DNM3: variants seen among roughly 807,000 people sequenced by gnomAD.
DNM3 encodes dynamin-3.
In DNM3, 47 loss-of-function variants were observed where a neutral mutation model predicts 101.6. That is an observed-to-expected ratio of 0.46 (90% confidence interval 0.37 to 0.59). DNM3 has a LOEUF of 0.59. Ranked by LOEUF, DNM3 falls within the 20% of genes least tolerant of loss-of-function variation. DNM3 has a pLI of 0.00. For synonymous variants in DNM3, 385 were observed against 387.9 expected, an observed-to-expected ratio of 0.99 and a Z score of 0.09; for missense variants, 849 against 1,085.7, an observed-to-expected ratio of 0.78 and a Z score of 3.06.
chr1:171,884,399 C>CCATATAA (rs1355582596), intron 1 of DNM3, among the ~76,000 whole-genome samples: 3 of 152,136 alleles, frequency 2.0e-5, no homozygotes, highest in Non-Finnish European at 4.4e-5. Context: ...TTTGAGTTAC[C>CCATATAA]CATATATGTT....
intron 14 of DNM3, among the ~76,000 whole-genome samples, chr1:172,192,743 G>A (rs371788597): frequency 1.5e-4 from 22 of 151,684 alleles, no homozygotes; most frequent in African/African-American, 4.6e-4. Flanking sequence ...TCCATGGTGT[G>A]TATGTGCCAC....
chr1:171,893,240 C>T (rs2037455839), intron 1 of DNM3, among the ~76,000 whole-genome samples: 1 of 152,096 alleles, frequency 6.6e-6, no homozygotes, highest in Non-Finnish European at 1.5e-5. Flanking sequence ...ATTGCATGGA[C>T]TAAGGTTTAC....
intron 7 of DNM3, among the ~76,000 whole-genome samples, chr1:172,040,378 T>C (rs772059808): frequency 1.3e-5 from 2 of 152,184 alleles, no homozygotes; most frequent in Non-Finnish European, 2.9e-5. Flanking sequence ...AAGTTTTAGA[T>C]AGTTTGAATT....
At position 172,018,730 on chromosome 1, in the gene DNM3, A is replaced by G. The variant is rs569391499; in HGVS notation, c.590-13672A>G. Among the ~76,000 whole-genome samples the G allele has an allele frequency of 7.9e-5, 12 of 152,288 alleles. 1 individual carries two copies. In the East Asian group the frequency reaches 1.3e-3, roughly 17 times the overall value. ...AATAGGAATAAAATACATTGTTGCTATTATTTTGAACAAACTGTTATCTGT... is the reference window on the plus strand; with the variant it reads ...AATAGGAATAAAATACATTGTTGCTGTTATTTTGAACAAACTGTTATCTGT... On this transcript the variant is annotated intron_variant, in intron 4 of 20. Transcript: ENST00000627582.
chr1:172,319,304 T>A (rs1157842022), intron 16 of DNM3, among the ~76,000 whole-genome samples: 6 of 150,756 alleles, frequency 4.0e-5, no homozygotes, highest in African/African-American at 1.2e-4. Context: ...AACCTAGGCA[T>A]TACCATTCAG....
At chr1:172,414,858 C>A (rs1019904411), downstream of DNM3, among the ~76,000 whole-genome samples, 16 of 149,040 alleles carry the variant, frequency 1.1e-4, no homozygotes, top group African/African-American at 4.0e-4. Context: ...CAGTTCAGCC[C>A]AAGAGTTTGA....
chr1:172,335,185 C>A (rs893634740), intron 17 of DNM3, among the ~76,000 whole-genome samples: 1 of 152,084 alleles, frequency 6.6e-6, no homozygotes, highest in Non-Finnish European at 1.5e-5. Context: ...TTTTTAAAGT[C>A]ACTTTTATAC....
At chr1:171,985,804 C>T (rs1247159927) in intron 2 of DNM3, among the ~76,000 whole-genome samples, 1 of 152,098 alleles carries the variant, frequency 6.6e-6, no homozygotes, top group Non-Finnish European at 1.5e-5. Context: ...GCCAGAGTGG[C>T]TGGGGTTGGT....
intron 14 of DNM3, among the ~76,000 whole-genome samples, chr1:172,240,738 T>A (rs954646189): frequency 6.6e-6 from 1 of 152,218 alleles, no homozygotes; most frequent in African/African-American, 2.4e-5. Context: ...GAAAGACATT[T>A]GTCTTTGCAT....
At chr1:172,240,221 G>A (rs1281713560) in intron 14 of DNM3, among the ~76,000 whole-genome samples, 1 of 152,166 alleles carries the variant, frequency 6.6e-6, no homozygotes, top group African/African-American at 2.4e-5. Context: ...CAGTTCAACA[G>A]TCAATGCAAA....
intron 14 of DNM3, among the ~76,000 whole-genome samples, chr1:172,158,430 TG>T (rs1460124020): frequency 1.3e-5 from 2 of 151,792 alleles, no homozygotes; most frequent in Non-Finnish European, 2.9e-5. Flanking sequence ...TTCCTGCTAG[TG>T]GGAAGAACAT....
chr1:172,039,240 G>C (rs770855301), intron 7 of DNM3, among the ~76,000 whole-genome samples: 1 of 152,044 alleles, frequency 6.6e-6, no homozygotes, highest in Non-Finnish European at 1.5e-5. Context: ...CACACTGCAG[G>C]ATACCCAAGG....
rs200124055 is a variant in DNM3 at position 171,902,761 on chromosome 1, T to G, written c.162-18987T>G. Reference sequence around the variant, plus strand: ...ATGTTGTTAGGTGTTTATCAAGGATTGGAAATTCCAATTTGCCACGTAAAA... The same window carrying G: ...ATGTTGTTAGGTGTTTATCAAGGATGGGAAATTCCAATTTGCCACGTAAAA... On this transcript the variant is annotated intron_variant, in intron 1 of 20. Transcript: ENST00000627582. Among the ~76,000 whole-genome samples, 8 of 152,344 alleles carry G rather than the reference T, an allele frequency of 5.3e-5. No individual in the cohort carries two copies. In the East Asian group the frequency reaches 1.2e-3, roughly 22 times the overall value.
intron 18 of DNM3, among the ~76,000 whole-genome samples, chr1:172,383,337 T>G (rs145031314): frequency 6.6e-6 from 1 of 152,340 alleles, no homozygotes; most frequent in East Asian, 1.9e-4. Flanking sequence ...GATGTTACTT[T>G]TTAAAGCAGG....
chr1:172,091,613 G>A (rs2053914535), intron 12 of DNM3, among the ~76,000 whole-genome samples: 1 of 152,170 alleles, frequency 6.6e-6, no homozygotes, highest in South Asian at 2.1e-4. Flanking sequence ...AACTCTTCAG[G>A]GAACAAGGTG....
intron 4 of DNM3, 40 bp downstream of exon 4, chr1:171,989,188 T>TCAGG (rs746739484): frequency 1.8e-5 from 28 of 1,576,252 alleles, no homozygotes; most frequent in African/African-American, 2.7e-5. Context: ...AATTAAAGTG[T>TCAGG]CAGGAGTTTT....
At chr1:171,843,899 G>A (rs1320400303) in intron 1 of DNM3, among the ~76,000 whole-genome samples, 1 of 152,150 alleles carries the variant, frequency 6.6e-6, no homozygotes, top group Non-Finnish European at 1.5e-5. Flanking sequence ...GTAATTTGTT[G>A]TACTTTAAAA....
Position 171,939,089 on chromosome 1 carries a change from T to G in DNM3, c.235+17268T>G, listed in dbSNP as rs185422985. Among the ~76,000 whole-genome samples, 169 of 152,270 alleles carry G rather than the reference T, an allele frequency of 1.1e-3. 1 individual carries two copies. Among genetic ancestry groups the G allele is most frequent in the African/African-American group, 3.9e-3 (163 of 41,568 alleles). ...TCTTTTGTTACTTTTTTTCCTTGGCTTAAGCATTGATTACACATTTATTAA... is the reference window on the plus strand; with the variant it reads ...TCTTTTGTTACTTTTTTTCCTTGGCGTAAGCATTGATTACACATTTATTAA... On this transcript the variant is annotated intron_variant, in intron 2 of 20. Transcript: ENST00000627582.
intron 11 of DNM3, among the ~76,000 whole-genome samples, chr1:172,078,618 T>TTACAATTCAGGTTAA (rs1198491752): frequency 1.3e-5 from 2 of 152,240 alleles, no homozygotes; most frequent in Admixed American, 6.5e-5. Context: ...TTTAGTCCAT[T>TTACAATTCAGGTTAA]TACAATTCAG....
Sources: gnomAD v4.1 joint callset for allele counts (sites outside exome capture counted in the v4.1 genomes callset) on GRCh38, gnomAD v4.1.1 for gene constraint, MANE v1.5 for transcripts, NCBI Gene and HGNC (gene_info 2026-07-23, HGNC 2026-07-21) for gene names.